Variants in LAMA2 observed in about 807,000 individuals in gnomAD.
The protein encoded by LAMA2 is laminin subunit alpha-2.
In LAMA2, 269 loss-of-function variants were observed where a neutral mutation model predicts 364.8. The ratio of observed to expected loss-of-function variants is 0.74; its 90% CI spans 0.67 to 0.82. The LOEUF (loss-of-function observed/expected upper bound fraction) is 0.82, where lower values mean the gene tolerates loss of function less well. Among genes scored for constraint, LAMA2 ranks in the 40% least tolerant of loss-of-function variants. The pLI is 0.00. For synonymous variants in LAMA2, 1,379 were observed against 1,370.6 expected (o/e 1.01, Z -0.14); for missense variants, 3,807 against 3,873.2 (o/e 0.98, Z 0.45).
At chr6:128,966,118 TTAAA>T (rs1462640560) in intron 1 of LAMA2, among the ~76,000 whole-genome samples, 1 of 151,886 alleles carries the variant, frequency 6.6e-6, no homozygotes, top group Non-Finnish European at 1.5e-5. Context: ...TTTTTAATAT[TTAAA>T]TAGTCACAGA....
intron 1 of LAMA2, among the ~76,000 whole-genome samples, chr6:128,989,476 C>A (rs1783470274): frequency 6.6e-6 from 1 of 152,164 alleles, no homozygotes; most frequent in Non-Finnish European, 1.5e-5. Context: ...TGTACATTTT[C>A]TAGCTGGGGG....
At chr6:129,131,366 T>C (rs559798981) in intron 4 of LAMA2, among the ~76,000 whole-genome samples, 20 of 152,348 alleles carry the variant, frequency 1.3e-4, no homozygotes, top group African/African-American at 4.8e-4. Flanking sequence ...CTATCCTGCA[T>C]GGACCCGACA....
chr6:128,925,161 T>TG (rs978281632), intron 1 of LAMA2, among the ~76,000 whole-genome samples: 1 of 152,202 alleles, frequency 6.6e-6, no homozygotes, highest in Admixed American at 6.5e-5. Flanking sequence ...ATTCCACTTC[T>TG]GGGAATATGC....
intron 5 of LAMA2, among the ~76,000 whole-genome samples, chr6:129,146,202 A>C (rs1288175901): frequency 6.6e-6 from 1 of 151,924 alleles, no homozygotes; most frequent in Non-Finnish European, 1.5e-5. Flanking sequence ...GAACTATCTA[A>C]CGCTAAGATG....
intron 17 of LAMA2, among the ~76,000 whole-genome samples, chr6:129,279,825 G>C (rs1379185219): frequency 6.6e-6 from 1 of 152,132 alleles, no homozygotes; most frequent in Non-Finnish European, 1.5e-5. Flanking sequence ...TCGAAAGTCA[G>C]TTAATAACAT....
intron 1 of LAMA2, among the ~76,000 whole-genome samples, chr6:128,909,420 T>C (rs1221721806): frequency 6.6e-6 from 1 of 151,696 alleles, no homozygotes; most frequent in African/African-American, 2.4e-5. Context: ...TGATCTTTGT[T>C]GGTTTAAAAT....
In LAMA2 at chr6:129,426,333, A is replaced by G. The variant is rs187569154; in HGVS notation, c.5866-1419A>G. On this transcript the variant is annotated intron_variant, in intron 40 of 64. Coordinates refer to ENST00000421865, the MANE Select transcript of LAMA2 (RefSeq NM_000426.4). Reference sequence around the variant, plus strand: ...AATTTCCTGTCTCTAAATTGTTTTGATTCAGAAAACCTATAACCAAGGGAG... The same window carrying G: ...AATTTCCTGTCTCTAAATTGTTTTGGTTCAGAAAACCTATAACCAAGGGAG... Among the ~76,000 whole-genome samples the G allele has an allele frequency of 2.7e-3, 413 of 152,256 alleles. 3 individuals carry two copies. Among genetic ancestry groups the G allele is most frequent in the African/African-American group, 9.7e-3 (401 of 41,554 alleles).
At chr6:129,281,239 AG>A (rs1253027141) in intron 18 of LAMA2, among the ~76,000 whole-genome samples, 3 of 152,134 alleles carry the variant, frequency 2.0e-5, no homozygotes, top group African/African-American at 7.2e-5. Context: ...GTGTGTTTAA[AG>A]AAAGGCATGT....
chr6:129,473,279 A>G lies in LAMA2; in HGVS notation c.7366A>G (p.Asn2456Asp), dbSNP rs754998274. The change falls in exon 52 of 65, where the codon AAC becomes GAC. Residue 2456 changes from asparagine (N) to aspartate (D), a missense_variant. By Grantham distance (23) the Asn-to-Asp change is conservative (BLOSUM62 1). This residue lies in a region of LAMA2 where 3,333 missense variants were observed against 3,345.7 expected (regional missense o/e 1.00). Transcript: ENST00000421865. ...GAATATAGCAACTTCGTCTTCTGGA[A>G]ACAACTTTGGTCTTGACTTGAAAGC... ...EENIATSSSG[N>D]NFGLDLKADD... 4.3e-6 allele frequency: 7 copies of G among 1,611,970 alleles called. No homozygotes were observed. The highest frequency in any genetic ancestry group is 5.9e-6 in the Non-Finnish European group (7 of 1,178,460).
intron 1 of LAMA2, among the ~76,000 whole-genome samples, chr6:129,018,424 T>A (rs1294179499): frequency 6.6e-6 from 1 of 151,630 alleles, no homozygotes; most frequent in Non-Finnish European, 1.5e-5. Flanking sequence ...ATATTAAAAG[T>A]GATACGAAAG....
At chr6:129,175,931 C>T (rs1484143377) in intron 9 of LAMA2, among the ~76,000 whole-genome samples, 7 of 151,550 alleles carry the variant, frequency 4.6e-5, no homozygotes, top group African/African-American at 1.2e-4. Context: ...CTTTGTTTAC[C>T]GTTTCCTTTT....
chr6:129,288,240 A>G (rs1285445104), intron 19 of LAMA2, among the ~76,000 whole-genome samples, 182 bp downstream of exon 19: 2 of 152,184 alleles, frequency 1.3e-5, no homozygotes, highest in African/African-American at 4.8e-5. Flanking sequence ...AATAGAGTAA[A>G]TACCTTTAAA....
chr6:129,050,935 C>T (rs1337208612), intron 2 of LAMA2, among the ~76,000 whole-genome samples: 2 of 152,116 alleles, frequency 1.3e-5, no homozygotes, highest in Non-Finnish European at 2.9e-5. Context: ...TTGAACACCT[C>T]CTACTAGCAA....
At chr6:129,025,452 A>T (rs185450914) in intron 1 of LAMA2, among the ~76,000 whole-genome samples, 9 of 152,312 alleles carry the variant, frequency 5.9e-5, no homozygotes, top group Admixed American at 3.3e-4. Flanking sequence ...GAGAATGGTT[A>T]TTGCTCTTCA....
chr6:129,025,907 C>T (rs1327779888), intron 1 of LAMA2, among the ~76,000 whole-genome samples: 1 of 152,116 alleles, frequency 6.6e-6, no homozygotes, highest in Non-Finnish European at 1.5e-5. Context: ...ACTTAACAGC[C>T]AGTACAAACT....
Position 128,965,775 on chromosome 6 carries a change from T to A in LAMA2, c.112+82418T>A, listed in dbSNP as rs1305407721. Among the ~76,000 whole-genome samples, 5 of 152,088 alleles carry A rather than the reference T, an allele frequency of 3.3e-5. No individual in the cohort carries two copies. The East Asian group carries it at 7.7e-4, about 23-fold the overall frequency. On this transcript the variant is annotated intron_variant, in intron 1 of 64. Coordinates refer to ENST00000421865, the MANE Select transcript of LAMA2 (RefSeq NM_000426.4). The stretch of plus-strand genomic sequence containing the variant: ...TTATTTTACAATGTTTACAAGTGAA[T>A]TGTCAAGATGTCTCCCAATATTATT...
At chr6:128,936,354 A>C (rs545170631) in intron 1 of LAMA2, among the ~76,000 whole-genome samples, 4 of 152,124 alleles carry the variant, frequency 2.6e-5, no homozygotes, top group African/African-American at 9.7e-5. Flanking sequence ...ACATTTTTCT[A>C]TACCTAATTT....
intron 20 of LAMA2, among the ~76,000 whole-genome samples, chr6:129,293,825 A>G (rs2114439391): frequency 6.6e-6 from 1 of 152,330 alleles, no homozygotes; most frequent in South Asian, 2.1e-4. Flanking sequence ...GTAAAAAACA[A>G]TTCATGGTTT....
chr6:128,994,935 T>A (rs989255759), intron 1 of LAMA2, among the ~76,000 whole-genome samples: 1 of 152,192 alleles, frequency 6.6e-6, no homozygotes, highest in Admixed American at 6.5e-5. Flanking sequence ...AGTAAAGAAA[T>A]CCCATGATTC....
Sources: allele counts gnomAD v4.1 joint callset (sites outside exome capture counted in the v4.1 genomes callset), GRCh38; gene constraint gnomAD v4.1.1; regional missense constraint gnomAD v4.1.1; transcripts MANE v1.5; gene names NCBI Gene and HGNC (gene_info 2026-07-23, HGNC 2026-07-21).